RALGDS: variants seen among roughly 807,000 people sequenced by gnomAD.
The protein encoded by RALGDS is ral guanine nucleotide exchange factor.
A neutral mutation model predicts 99.8 loss-of-function variants in RALGDS; 44 were observed. That is an observed-to-expected ratio of 0.44 (90% CI 0.35 to 0.57). RALGDS has a LOEUF of 0.57. Ranked by LOEUF, RALGDS falls within the 20% of genes least tolerant of loss-of-function variation. RALGDS has a pLI of 0.01. For missense variants in RALGDS, 1,022 were observed against 1,203.1 expected, an observed-to-expected ratio of 0.85 and a Z score of 2.23; for synonymous variants, 529 against 505.0, an observed-to-expected ratio of 1.05 and a Z score of -0.64.
intron 1 of RALGDS, among the ~76,000 whole-genome samples, chr9:133,115,720 T>C (rs1031614108): frequency 1.3e-5 from 2 of 152,162 alleles, no homozygotes; most frequent in African/African-American, 4.8e-5. Context: ...CCTGACATCA[T>C]ATCCCCCTGG....
At chr9:133,132,421 C>T (rs575464221), upstream of RALGDS, among the ~76,000 whole-genome samples, 2 of 152,098 alleles carry the variant, frequency 1.3e-5, no homozygotes, top group South Asian at 2.1e-4. Context: ...TGGTGTGGTT[C>T]GGCTGCCACT....
Position 133,102,564 on chromosome 9 carries a change from G to A in RALGDS, c.1921C>T (p.Leu641=), listed in dbSNP as rs1830809798. 4.3e-6 allele frequency: 7 copies of A among 1,613,914 alleles called. No individual in the cohort carries two copies. The South Asian group carries it at 6.6e-5, about 15-fold the overall frequency. Reference sequence around the variant, plus strand: ...GATGGGGGCTCCAGCTCGCACGACAGGTTGTAGCTATGAGCAGAGGGGCAG... The same window carrying A: ...GATGGGGGCTCCAGCTCGCACGACAAGTTGTAGCTATGAGCAGAGGGGCAG... ...ERLSETESYN[L]SCELEPPSES... The change falls in exon 14 of 18, where the codon CTG becomes TTG. Residue 641 remains leucine, a synonymous_variant. Coordinates refer to ENST00000372050, the MANE Select transcript of RALGDS (RefSeq NM_006266.4).
At chr9:133,121,925 TG>T (rs1312097253), upstream of RALGDS, among the ~76,000 whole-genome samples, 5 of 115,852 alleles carry the variant, frequency 4.3e-5, no homozygotes, top group African/African-American at 9.5e-5. Flanking sequence ...GGTCAGAGAG[TG>T]GGGCCCTACC....
At chr9:133,129,302 C>T in intron 1 of RALGDS, 1 of 1,589,190 alleles carries the variant, frequency 6.3e-7, no homozygotes. Context: ...ACAAACCTGG[C>T]CTGCTTCCCG....
chr9:133,137,748 G>A (rs986757177), intron 1 of RALGDS, among the ~76,000 whole-genome samples: 4 of 152,126 alleles, frequency 2.6e-5, no homozygotes, highest in African/African-American at 9.7e-5. Context: ...AGGTGGTCAG[G>A]TTGGCCCTGG....
intron 14 of RALGDS, 61 bp from the exon 15 acceptor site, chr9:133,102,200 C>T: frequency 6.7e-7 from 1 of 1,498,896 alleles, no homozygotes; most frequent in East Asian, 2.5e-5. Context: ...ACCCCACAGC[C>T]CCTGCACCCT....
chr9:133,133,801 C>T (rs1832382802), upstream of RALGDS, among the ~76,000 whole-genome samples: 2 of 152,242 alleles, frequency 1.3e-5, no homozygotes, highest in African/African-American at 4.8e-5. Flanking sequence ...CACACAAGCC[C>T]AGGCTAGCAA....
intron 1 of RALGDS, among the ~76,000 whole-genome samples, chr9:133,146,745 T>C (rs1416159749): frequency 6.6e-6 from 1 of 152,228 alleles, no homozygotes; most frequent in African/African-American, 2.4e-5. Flanking sequence ...CTCCCCACCT[T>C]CACCCCTCAC....
chr9:133,109,792 T>A lies in RALGDS; in HGVS notation c.489-71A>T, dbSNP rs535274111. On this transcript the variant is annotated intron_variant, in intron 3 of 17. Transcript: ENST00000372050. Reference sequence around the variant, plus strand: ...GGAGGCCCAGGAGGGCAGGGATTTTTTTTTTTGCTTTTTTTCATCAAATTA... The same window carrying A: ...GGAGGCCCAGGAGGGCAGGGATTTTATTTTTTGCTTTTTTTCATCAAATTA... 812 of 1,240,322 alleles carry A rather than the reference T, an allele frequency of 6.5e-4. 19 individuals are homozygous for A. In the Admixed American group the frequency reaches 0.014, roughly 22 times the overall value. The allele number at this position is 1,240,322 out of a possible 1,614,324, so 76.8% of individuals were successfully genotyped here. A position where few individuals can be genotyped will look rare whatever the true frequency, so the allele number is the denominator to read the frequency against.
In RALGDS at chr9:133,144,483, G is replaced by GCC. The variant is rs1348240722; in HGVS notation, c.18+4478_18+4479dup. On this transcript the variant is annotated intron_variant, in intron 1 of 17. Transcript: ENST00000393160. The surrounding 1 kb of genome is among the most constrained non-coding windows in gnomAD (Gnocchi z 4.5). ...TCCCGTGTGTGTCACCCATGAGGTGGCCGTGCCCCTGGCCTGTTTACAGCT... is the reference window on the plus strand; with the variant it reads ...TCCCGTGTGTGTCACCCATGAGGTGGCCCCGTGCCCCTGGCCTGTTTACAGCT... Among the ~76,000 whole-genome samples, 2 of 152,212 alleles carry GCC rather than the reference G, an allele frequency of 1.3e-5. No individual in the cohort carries two copies. The highest frequency in any genetic ancestry group is 2.9e-5 in the Non-Finnish European group (2 of 68,036).
In RALGDS at chr9:133,111,970, G is replaced by A. The variant is rs554786433; in HGVS notation, c.294+72C>T. On this transcript the variant is annotated intron_variant, in intron 2 of 17. Coordinates refer to ENST00000372050, the MANE Select transcript of RALGDS (RefSeq NM_006266.4). The stretch of plus-strand genomic sequence containing the variant: ...CGTTTCCTTTGGGATCAGAACTGGG[G>A]GCCCTCAAGTGAAAAAGTCCTGGGA... 2.6e-6 allele frequency: 3 copies of A among 1,133,042 alleles called. No homozygotes were observed. In the East Asian group the frequency reaches 7.7e-5, roughly 29 times the overall value. 70.2% of individuals were successfully genotyped at this position (1,133,042 alleles called of 1,614,324 possible). A position where few individuals can be genotyped will look rare whatever the true frequency, so the allele number is the denominator to read the frequency against.
chr9:133,104,936 T>C (rs1213663483), intron 9 of RALGDS, among the ~76,000 whole-genome samples: 14 of 152,280 alleles, frequency 9.2e-5, no homozygotes, highest in Non-Finnish European at 4.4e-5. Context: ...AGGGCTGGCA[T>C]TCCTCCATTT....
upstream of RALGDS, among the ~76,000 whole-genome samples, chr9:133,133,928 G>A (rs1449265555): frequency 6.6e-6 from 1 of 152,204 alleles, no homozygotes; most frequent in African/African-American, 2.4e-5. Flanking sequence ...CCAGAGCAGT[G>A]ACTCCTCGCG....
Position 133,107,477 on chromosome 9 carries a change from C to T in RALGDS, c.1198-177G>A, listed in dbSNP as rs568576466. On this transcript the variant is annotated intron_variant, in intron 6 of 17. Coordinates refer to ENST00000372050, the MANE Select transcript of RALGDS (RefSeq NM_006266.4). ...ACGCTGGTGGGAAGAAGAGGAGCAC[C>T]GCCTCGCGCAGCCTCACCAAGCCCC... Among the ~76,000 whole-genome samples the T allele has an allele frequency of 7.2e-5, 11 of 152,300 alleles. No individual in the cohort carries two copies. The South Asian group carries it at 1.7e-3, about 23-fold the overall frequency.
At chr9:133,123,843 C>G (rs1463905562), upstream of RALGDS, among the ~76,000 whole-genome samples, 24 of 120,556 alleles carry the variant, frequency 2.0e-4, no homozygotes, top group African/African-American at 7.8e-4. Context: ...CACACACACA[C>G]ACACACAGAC....
At chr9:133,131,797 C>T (rs2119252828), upstream of RALGDS, among the ~76,000 whole-genome samples, 1 of 152,342 alleles carries the variant, frequency 6.6e-6, no homozygotes, top group Admixed American at 6.5e-5. Context: ...TCCCCAGGGA[C>T]TCTGGAACCC....
intron 3 of RALGDS, 31 bp downstream of exon 3, chr9:133,110,265 G>C: frequency 6.2e-7 from 1 of 1,600,836 alleles, no homozygotes; most frequent in Non-Finnish European, 8.6e-7. Flanking sequence ...GGGCCCCTGT[G>C]CACCCTGTGC....
chr9:133,106,970 G>T, intron 7 of RALGDS, 115 bp downstream of exon 7: 1 of 1,204,978 alleles, frequency 8.3e-7, no homozygotes, highest in Non-Finnish European at 1.2e-6. Flanking sequence ...GAGAGTCAAG[G>T]CCAGCATGCC....
In RALGDS at chr9:133,101,500, G is replaced by T; in HGVS notation, c.2454+20C>A. 1 of 1,610,520 alleles carries T rather than the reference G, an allele frequency of 6.2e-7. No individual in the cohort carries two copies. The highest frequency in any genetic ancestry group is 2.2e-5 in the East Asian group (1 of 44,880). ...TGCCGCCAGTGGAGGGAGGCACCCAGGCCACCCCCGCCGGCTTACCAGGAT... is the reference window on the plus strand; with the variant it reads ...TGCCGCCAGTGGAGGGAGGCACCCATGCCACCCCCGCCGGCTTACCAGGAT... On this transcript the variant is annotated intron_variant, in intron 16 of 17. Transcript: ENST00000372050.
Sources: gnomAD v4.1 joint callset for allele counts (sites outside exome capture counted in the v4.1 genomes callset) on GRCh38, gnomAD v4.1.1 for gene constraint, Gnocchi (gnomAD v3.1) non-coding constraint, MANE v1.5 for transcripts, NCBI Gene and HGNC (gene_info 2026-07-23, HGNC 2026-07-21) for gene names.